Variants in DNAJC24 observed in about 807,000 individuals in gnomAD.
DNAJC24 encodes the protein DnaJ heat shock protein family (Hsp40) member C24.
Under a neutral mutation model 18.0 loss-of-function variants are expected in DNAJC24, and 17 were observed. The observed-to-expected ratio is 0.94, with a 90% confidence interval of 0.65 to 1.42. DNAJC24 has a LOEUF of 1.42. Among genes scored for constraint, DNAJC24 ranks in the 40% most tolerant of loss-of-function variants. The probability of loss-of-function intolerance (pLI) is 0.00; values close to 1 mark genes in which losing one functional copy is unlikely to be tolerated. For missense variants in DNAJC24, 158 were observed against 175.6 expected (o/e 0.90, Z 0.57); for synonymous variants, 55 against 57.7 (o/e 0.95, Z 0.21).
At chr11:31,370,974 A>G (rs1952234998) in intron 2 of DNAJC24, 115 bp downstream of exon 2, 1 of 610,464 alleles carries the variant, frequency 1.6e-6, no homozygotes, top group Non-Finnish European at 2.9e-6. Context: ...TCCAGGTATT[A>G]ATTTGATTTA....
At chr11:31,409,376 G>A (rs1458769883) in intron 2 of DNAJC24, among the ~76,000 whole-genome samples, 1 of 152,140 alleles carries the variant, frequency 6.6e-6, no homozygotes, top group Non-Finnish European at 1.5e-5. Context: ...CCTCCAGCAA[G>A]TTCCCTCATG....
intron 2 of DNAJC24, among the ~76,000 whole-genome samples, chr11:31,384,211 G>A (rs1952406160): frequency 6.6e-6 from 1 of 152,108 alleles, no homozygotes; most frequent in African/African-American, 2.4e-5. Flanking sequence ...CTCCCATTAA[G>A]GCACAACTCA....
chr11:31,383,839 C>T (rs1238949123), intron 2 of DNAJC24, among the ~76,000 whole-genome samples: 1 of 152,240 alleles, frequency 6.6e-6, no homozygotes, highest in Non-Finnish European at 1.5e-5. Context: ...AGGTGTGGGA[C>T]TCCGTTTCAG....
At chr11:31,428,061 A>G (rs1465828741) in intron 4 of DNAJC24, 1 of 151,676 alleles carries the variant, frequency 6.6e-6, no homozygotes, top group African/African-American at 2.4e-5. Flanking sequence ...TTAAAAAGAA[A>G]AGGAAGAAAC....
Position 31,370,831 on chromosome 11 carries a change from A to G in DNAJC24, c.83A>G (p.Lys28Arg). The G allele has an allele frequency of 6.2e-7, 1 of 1,609,752 alleles. No homozygotes were observed. Residue 28 changes from lysine to arginine, a missense_variant, in exon 2 of 5, where the codon AAA becomes AGA. By Grantham distance (26) the Lys-to-Arg change is conservative (BLOSUM62 2). Transcript: ENST00000465995. ...ADPSANISDLKQKYQKLILMY... is the reference protein window; with the variant it reads ...ADPSANISDLRQKYQKLILMY... ...CCATCTGCAAATATATCAGACCTAA[A>G]ACAAAAATATCAAAAACTCATATTA... is the stretch of plus-strand genomic sequence containing the variant.
At chr11:31,426,428 G>A (rs1160671376) in intron 4 of DNAJC24, 73 bp downstream of exon 4, 20 of 833,392 alleles carry the variant, frequency 2.4e-5, no homozygotes, top group Non-Finnish European at 3.7e-5. Context: ...AAACTCATTG[G>A]ATATTTGGAA....
intron 2 of DNAJC24, among the ~76,000 whole-genome samples, chr11:31,389,062 A>T (rs2133476315): frequency 6.6e-6 from 1 of 152,254 alleles, no homozygotes; most frequent in African/African-American, 2.4e-5. Flanking sequence ...GGAGAAAATC[A>T]CCTTCACTGT....
At chr11:31,398,614 T>C (rs527590471) in intron 2 of DNAJC24, among the ~76,000 whole-genome samples, 15 of 152,354 alleles carry the variant, frequency 9.8e-5, no homozygotes, top group East Asian at 7.7e-4. Context: ...CTTTCTCATA[T>C]CTTGTTTACT....
At chr11:31,402,393 C>T (rs896106769) in intron 2 of DNAJC24, among the ~76,000 whole-genome samples, 2 of 152,138 alleles carry the variant, frequency 1.3e-5, no homozygotes, top group African/African-American at 2.4e-5. Context: ...TAGGATATCA[C>T]CGTACACTAT....
chr11:31,405,393 T>A (rs1289251868), intron 2 of DNAJC24, among the ~76,000 whole-genome samples: 1 of 149,016 alleles, frequency 6.7e-6, no homozygotes, highest in African/African-American at 2.5e-5. Context: ...TTTTTTTTTT[T>A]AAGGATTCGG....
At chr11:31,407,699 A>AT (rs1193490619) in intron 2 of DNAJC24, among the ~76,000 whole-genome samples, 4,461 of 121,958 alleles carry the variant, frequency 0.037, 61 homozygotes, top group Non-Finnish European at 0.051. Context: ...AAAAAAAAAA[A>AT]AAAAAAAATA....
chr11:31,370,856 A>G lies in DNAJC24; in HGVS notation c.108A>G (p.Leu36=), dbSNP rs1326457598. The part of the protein sequence containing the change: ...DLKQKYQKLI[L]MYHPDKQSTD... ...AACAAAAATATCAAAAACTCATATT[A>G]ATGGTAAGTCTTTTCTTTCAGATTT... Residue 36 remains leucine (L), a synonymous_variant, in exon 2 of 5, where the codon TTA becomes TTG. Coordinates refer to ENST00000465995, the MANE Select transcript of DNAJC24 (RefSeq NM_181706.5). 4.4e-6 allele frequency: 7 copies of G among 1,573,846 alleles called. No individual in the cohort carries two copies. The highest frequency in any genetic ancestry group is 5.2e-6 in the Non-Finnish European group (6 of 1,149,902).
At chr11:31,422,811 T>G (rs193117077) in intron 3 of DNAJC24, among the ~76,000 whole-genome samples, 292 of 152,202 alleles carry the variant, frequency 1.9e-3, no homozygotes, top group Non-Finnish European at 3.2e-3. Flanking sequence ...AAAAACACAT[T>G]GATTTGTTTG....
At chr11:31,387,585 G>C (rs1338884593) in intron 2 of DNAJC24, among the ~76,000 whole-genome samples, 1 of 152,144 alleles carries the variant, frequency 6.6e-6, no homozygotes, top group East Asian at 1.9e-4. Context: ...AGTGACCAAA[G>C]ACTTAGATTA....
At chr11:31,383,345 A>G (rs554563471) in intron 2 of DNAJC24, among the ~76,000 whole-genome samples, 1 of 152,200 alleles carries the variant, frequency 6.6e-6, no homozygotes, top group East Asian at 1.9e-4. Flanking sequence ...GCCCCCAGCC[A>G]CTAGTCATTC....
At chr11:31,419,339 G>C (rs951065916) in intron 3 of DNAJC24, among the ~76,000 whole-genome samples, 1 of 152,006 alleles carries the variant, frequency 6.6e-6, no homozygotes, top group Non-Finnish European at 1.5e-5. Context: ...CATCTTGACA[G>C]TTGGGGACTG....
chr11:31,386,850 G>A (rs1249435835), intron 2 of DNAJC24, among the ~76,000 whole-genome samples: 3 of 152,122 alleles, frequency 2.0e-5, no homozygotes, highest in Non-Finnish European at 4.4e-5. Context: ...CCTTCCCTGG[G>A]CCAGGAGGAG....
At chr11:31,387,677 A>G (rs1275144276) in intron 2 of DNAJC24, among the ~76,000 whole-genome samples, 2 of 152,184 alleles carry the variant, frequency 1.3e-5, no homozygotes, top group Non-Finnish European at 2.9e-5. Context: ...AAAGACTGCA[A>G]TAAATTCCTA....
intron 2 of DNAJC24, among the ~76,000 whole-genome samples, chr11:31,376,848 AGG>A (rs1952320332): frequency 6.6e-6 from 1 of 152,180 alleles, no homozygotes. Context: ...TAATTTTGAA[AGG>A]ATCTAGATTT....
Sources: gnomAD v4.1 joint callset for allele counts (sites outside exome capture counted in the v4.1 genomes callset) on GRCh38, gnomAD v4.1.1 for gene constraint, MANE v1.5 for transcripts, NCBI Gene and HGNC (gene_info 2026-07-23, HGNC 2026-07-21) for gene names.